CABIN1: variants seen among roughly 807,000 people sequenced by gnomAD.
CABIN1 encodes the protein calcineurin-binding protein cabin-1.
Under a neutral mutation model 227.7 loss-of-function variants are expected in CABIN1, and 133 were observed. The ratio of observed to expected loss-of-function variants is 0.58; its 90% confidence interval spans 0.51 to 0.67. CABIN1 has a LOEUF of 0.67. CABIN1 is among the 30% of genes least tolerant of loss of function. The pLI is 0.00. For synonymous variants in CABIN1, 1,086 were observed against 1,155.1 expected, an observed-to-expected ratio of 0.94 and a Z score of 1.21; for missense variants, 2,408 against 2,852.5, an observed-to-expected ratio of 0.84 and a Z score of 3.55.
intron 15 of CABIN1, among the ~76,000 whole-genome samples, chr22:24,065,513 T>C (rs1435884125): frequency 2.7e-5 from 4 of 147,726 alleles, no homozygotes; most frequent in Non-Finnish European, 5.9e-5. Context: ...CGCTCCTCAC[T>C]TTCCAGACTG....
At chr22:24,144,752 C>G (rs2148383999) in intron 29 of CABIN1, among the ~76,000 whole-genome samples, 1 of 152,346 alleles carries the variant, frequency 6.6e-6, no homozygotes, top group South Asian at 2.1e-4. Flanking sequence ...TGGTGGAGGC[C>G]ATTTCCAGTC....
intron 14 of CABIN1, among the ~76,000 whole-genome samples, 170 bp downstream of exon 14, chr22:24,063,316 T>C (rs2039339066): frequency 6.6e-6 from 1 of 152,096 alleles, no homozygotes; most frequent in Non-Finnish European, 1.5e-5. Context: ...TGAGAAAGTG[T>C]GACACAGTGG....
intron 29 of CABIN1, among the ~76,000 whole-genome samples, chr22:24,150,812 G>A (rs952697640): frequency 2.0e-5 from 3 of 152,224 alleles, no homozygotes; most frequent in African/African-American, 4.8e-5. Context: ...CATCTTGTCA[G>A]TGTGGGAGCT....
chr22:24,166,568 C>T, intron 31 of CABIN1, 71 bp from the exon 32 acceptor site: 1 of 1,597,172 alleles, frequency 6.3e-7, no homozygotes. Context: ...TTGGGCTCAC[C>T]AGCCCCCAGA....
intron 4 of CABIN1, among the ~76,000 whole-genome samples, 181 bp from the exon 5 acceptor site, chr22:24,040,958 G>A (rs924668456): frequency 3.3e-5 from 5 of 152,158 alleles, no homozygotes; most frequent in Non-Finnish European, 7.3e-5. Context: ...TTCTCTGTGC[G>A]CTTGGAGTAG....
intron 24 of CABIN1, among the ~76,000 whole-genome samples, chr22:24,094,304 T>C (rs2041741570): frequency 6.6e-6 from 1 of 152,150 alleles, no homozygotes; most frequent in South Asian, 2.1e-4. Context: ...TACTGCCTGA[T>C]AGAGCAGATG....
chr22:24,134,279 C>G, intron 28 of CABIN1, 23 bp from the exon 29 acceptor site: 15 of 1,597,186 alleles, frequency 9.4e-6, no homozygotes, highest in Non-Finnish European at 1.2e-5. Flanking sequence ...CACTCACTTT[C>G]AACCTACTTC....
intron 24 of CABIN1, among the ~76,000 whole-genome samples, chr22:24,092,271 G>T (rs1472670438): frequency 6.6e-6 from 1 of 152,084 alleles, no homozygotes; most frequent in East Asian, 1.9e-4. Context: ...AGGTTGGCAG[G>T]GGCTGAGCTA....
intron 6 of CABIN1, among the ~76,000 whole-genome samples, chr22:24,044,697 C>T (rs2037707097): frequency 6.6e-6 from 1 of 152,188 alleles, no homozygotes; most frequent in Non-Finnish European, 1.5e-5. Context: ...TTCTACCAAA[C>T]ACTAGAACAT....
intron 1 of CABIN1, among the ~76,000 whole-genome samples, chr22:24,033,329 TTTA>T (rs2036629144): frequency 6.6e-6 from 1 of 152,056 alleles, no homozygotes; most frequent in Non-Finnish European, 1.5e-5. Flanking sequence ...TTAAATTTAT[TTTA>T]TTATTATTTT....
chr22:24,178,371 C>CA lies in CABIN1; in HGVS notation c.*175_*176insA. On this transcript the variant is annotated 3_prime_UTR_variant, in exon 37 of 37. Transcript: ENST00000263119. ...CCTCCCTGTACCCAGGTCAGGCTGT[C>CA]CACACCACATGGGAGCCCAGAGGAG... The CA allele has an allele frequency of 1.3e-6, 1 of 762,016 alleles. No individual in the cohort carries two copies. The highest frequency in any genetic ancestry group is 2.1e-6 in the Non-Finnish European group (1 of 478,194). 47.2% of individuals were successfully genotyped at this position (762,016 alleles called of 1,614,324 possible).
At chr22:24,099,751 G>A (rs1201154131) in intron 26 of CABIN1, among the ~76,000 whole-genome samples, 1 of 152,208 alleles carries the variant, frequency 6.6e-6, no homozygotes, top group East Asian at 1.9e-4. Flanking sequence ...GCCTTTCCTG[G>A]TTGTCCACAT....
At chr22:24,145,612 G>A (rs138721321) in intron 29 of CABIN1, among the ~76,000 whole-genome samples, 2 of 152,296 alleles carry the variant, frequency 1.3e-5, no homozygotes, top group Non-Finnish European at 2.9e-5. Context: ...GCTCAGATCT[G>A]TCGTCCCGTG....
At chr22:24,156,412 G>A (rs1159051594) in intron 29 of CABIN1, 13 of 255,590 alleles carry the variant, frequency 5.1e-5, no homozygotes, top group Non-Finnish European at 9.6e-5. Context: ...GGCGGCAGGC[G>A]CTGGTGAAGC....
intron 29 of CABIN1, among the ~76,000 whole-genome samples, chr22:24,135,219 T>C (rs1602277504): frequency 6.6e-6 from 1 of 151,086 alleles, no homozygotes; most frequent in Non-Finnish European, 1.5e-5. Context: ...GGTGAAACCC[T>C]GTCTCTACTA....
chr22:24,085,206 C>CAGG, intron 22 of CABIN1, 55 bp downstream of exon 22: 1 of 1,601,490 alleles, frequency 6.2e-7, no homozygotes, highest in Non-Finnish European at 8.5e-7. Context: ...GGGGTGACTC[C>CAGG]AGCTCAGCAA....
intron 26 of CABIN1, among the ~76,000 whole-genome samples, chr22:24,104,262 C>T (rs1300698050): frequency 6.6e-6 from 1 of 152,184 alleles, no homozygotes; most frequent in Non-Finnish European, 1.5e-5. Flanking sequence ...CAGCCTCACA[C>T]CTTACAGAAC....
intron 15 of CABIN1, among the ~76,000 whole-genome samples, chr22:24,066,349 T>C (rs2039677556): frequency 6.6e-6 from 1 of 152,200 alleles, no homozygotes; most frequent in Non-Finnish European, 1.5e-5. Context: ...GAAGGAAATA[T>C]CAGCTGGAGC....
At chr22:24,168,311 C>CT (rs1468614232) in intron 32 of CABIN1, 136 bp from the exon 33 acceptor site, 1 of 778,578 alleles carries the variant, frequency 1.3e-6, no homozygotes, top group Non-Finnish European at 2.2e-6. Context: ...TCAGCAGAGT[C>CT]TGGGGTGTTG....
Sources: allele counts gnomAD v4.1 joint callset (sites outside exome capture counted in the v4.1 genomes callset), GRCh38; gene constraint gnomAD v4.1.1; transcripts MANE v1.5; gene names NCBI Gene and HGNC (gene_info 2026-07-23, HGNC 2026-07-21).